Variants in TRAP1 observed in about 807,000 individuals in gnomAD.
TRAP1 encodes heat shock protein 75 kDa, mitochondrial.
A neutral mutation model predicts 89.1 loss-of-function variants in TRAP1; 102 were observed. That is an observed-to-expected ratio of 1.15 (90% confidence interval 0.98 to 1.35). The LOEUF is 1.35. Ranked by LOEUF, TRAP1 falls within the 40% of genes most tolerant of loss-of-function variation. The pLI is 0.00. For missense variants in TRAP1, 1,256 were observed against 945.3 expected (o/e 1.33, Z -4.31); for synonymous variants, 508 against 388.0 (o/e 1.31, Z -3.64).
At chr16:3,669,608 G>A (rs1165107514) in intron 11 of TRAP1, among the ~76,000 whole-genome samples, 1 of 152,000 alleles carries the variant, frequency 6.6e-6, no homozygotes, top group East Asian at 1.9e-4. Flanking sequence ...GCCGAGGCAG[G>A]CAGATCACAA....
intron 3 of TRAP1, 91 bp downstream of exon 3, chr16:3,688,959 CTAATA>C: frequency 8.7e-7 from 1 of 1,142,996 alleles, no homozygotes; most frequent in South Asian, 1.5e-5. Context: ...TTTCTCACAG[CTAATA>C]TATTATCTGG....
intron 1 of TRAP1, chr16:3,691,253 T>A (rs879473317): frequency 7.4e-5 from 20 of 271,616 alleles, no homozygotes; most frequent in Non-Finnish European, 1.1e-4. Flanking sequence ...TGCCTTCTTT[T>A]CAGAGGGGGT....
intron 1 of TRAP1, among the ~76,000 whole-genome samples, chr16:3,712,351 C>T (rs1206987430): frequency 2.2e-5 from 3 of 137,908 alleles, no homozygotes; most frequent in Non-Finnish European, 4.7e-5. Context: ...AAGCAAGTAT[C>T]ACAGGCCTCA....
chr16:3,672,757 C>T lies in TRAP1; in HGVS notation c.1108G>A (p.Val370Ile), dbSNP rs144436579. The change falls in exon 10 of 18, where the codon GTC becomes ATC. Residue 370 changes from valine to isoleucine, a missense_variant. Coordinates refer to ENST00000246957, the MANE Select transcript of TRAP1 (RefSeq NM_016292.3). ...GSSVALYSRK[V>I]LIQTKATDIL... ...TCCGTGGCCTTGGTCTGGATGAGGA[C>T]TTTGCGGCTGTACAGTGCAACGCTG... 1.9e-6 allele frequency: 3 copies of T among 1,611,870 alleles called. No individual in the cohort carries two copies. Among genetic ancestry groups the T allele is most frequent in the Non-Finnish European group, 2.5e-6 (3 of 1,179,190 alleles).
chr16:3,701,416 A>G (rs1211794706), intron 1 of TRAP1, among the ~76,000 whole-genome samples: 1 of 152,066 alleles, frequency 6.6e-6, no homozygotes, highest in Non-Finnish European at 1.5e-5. Context: ...AGCCGGGCAC[A>G]GTAGCTCACG....
intron 5 of TRAP1, 143 bp from the exon 6 acceptor site, chr16:3,677,801 C>G (rs767482541): frequency 2.1e-6 from 2 of 930,532 alleles, no homozygotes; most frequent in Non-Finnish European, 3.1e-6. Flanking sequence ...CCATTCTACA[C>G]GTGAAGAGCT....
chr16:3,678,757 G>A (rs541191082), intron 5 of TRAP1, among the ~76,000 whole-genome samples: 4 of 152,184 alleles, frequency 2.6e-5, no homozygotes, highest in African/African-American at 9.7e-5. Flanking sequence ...CACCGCACCC[G>A]ACCTAGTGTT....
intron 5 of TRAP1, 151 bp downstream of exon 5, chr16:3,679,568 C>T: frequency 1.3e-6 from 1 of 764,438 alleles, no homozygotes; most frequent in South Asian, 1.6e-5. Context: ...TGAGGGATGG[C>T]TGTCATGTCA....
intron 1 of TRAP1, among the ~76,000 whole-genome samples, chr16:3,694,421 G>C (rs2051259207): frequency 1.3e-5 from 2 of 151,930 alleles, no homozygotes; most frequent in Admixed American, 1.3e-4. Flanking sequence ...TCAGCTCACT[G>C]CAACCTCTGC....
At chr16:3,662,155 A>G (rs1267648874) in intron 15 of TRAP1, 23 bp from the exon 16 acceptor site, 2 of 1,596,176 alleles carry the variant, frequency 1.3e-6, no homozygotes, top group Admixed American at 1.7e-5. Flanking sequence ...CCCGGGGTTG[A>G]GGGTGATAGA....
At chr16:3,709,880 C>A (rs1567247790) in intron 1 of TRAP1, among the ~76,000 whole-genome samples, 1 of 152,296 alleles carries the variant, frequency 6.6e-6, no homozygotes, top group East Asian at 1.9e-4. Context: ...AAACTCCTAA[C>A]CTCAGGTGAT....
At chr16:3,715,702 T>A (rs932861809) in intron 1 of TRAP1, among the ~76,000 whole-genome samples, 1 of 151,940 alleles carries the variant, frequency 6.6e-6, no homozygotes, top group Admixed American at 6.6e-5. Context: ...AATCCCAGCA[T>A]TTTGGAGGGC....
intron 1 of TRAP1, among the ~76,000 whole-genome samples, chr16:3,692,966 G>GTT (rs34085145): frequency 7.6e-5 from 11 of 143,858 alleles, no homozygotes; most frequent in African/African-American, 2.3e-4. Context: ...TTTTGTTTTT[G>GTT]TTTTTTTTTG....
At chr16:3,709,070 C>G (rs1036856145) in intron 1 of TRAP1, among the ~76,000 whole-genome samples, 1 of 151,778 alleles carries the variant, frequency 6.6e-6, no homozygotes, top group African/African-American at 2.4e-5. Context: ...CCGCCTCGGC[C>G]TCCCACAGTG....
intron 1 of TRAP1, among the ~76,000 whole-genome samples, chr16:3,705,918 C>A (rs990751932): frequency 9.2e-5 from 14 of 151,932 alleles, no homozygotes; most frequent in African/African-American, 3.4e-4. Context: ...GTCTCAAACT[C>A]CTGACCTCAG....
chr16:3,689,242 C>CTTTT (rs34759526), intron 2 of TRAP1, 105 bp from the exon 3 acceptor site: 40 of 425,976 alleles, frequency 9.4e-5, no homozygotes, highest in Non-Finnish European at 1.2e-4. Context: ...GAGTTTTAAA[C>CTTTT]TTTTTTTTTT....
Position 3,667,239 on chromosome 16 carries a change from C to T in TRAP1, c.1236-1121G>A, listed in dbSNP as rs545223016. On this transcript the variant is annotated intron_variant, in intron 11 of 17. Coordinates refer to ENST00000246957, the MANE Select transcript of TRAP1 (RefSeq NM_016292.3). ...ACCAGCCCACCGTGAAGAGTCAGAG[C>T]CCAAGTAGGTGACAGGGACACCCGC... Among the ~76,000 whole-genome samples the T allele has an allele frequency of 1.3e-5, 2 of 152,160 alleles. 1 individual carries two copies. The highest frequency in any genetic ancestry group is 4.2e-4 in the South Asian group (2 of 4,808).
chr16:3,690,675 TG>T, intron 2 of TRAP1, 151 bp downstream of exon 2: 1 of 832,190 alleles, frequency 1.2e-6, no homozygotes, highest in Non-Finnish European at 1.7e-6. Flanking sequence ...GGGACAGAAA[TG>T]GAGGGCGCAG....
chr16:3,679,135 CA>C (rs1378345900), intron 5 of TRAP1, among the ~76,000 whole-genome samples: 7 of 151,850 alleles, frequency 4.6e-5, no homozygotes, highest in Non-Finnish European at 7.4e-5. Context: ...ACTAAAGATA[CA>C]AAAAATTGGC....
Sources: allele counts gnomAD v4.1 joint callset (sites outside exome capture counted in the v4.1 genomes callset), GRCh38; gene constraint gnomAD v4.1.1; transcripts MANE v1.5; gene names NCBI Gene and HGNC (gene_info 2026-07-23, HGNC 2026-07-21).